CLDN18: variants seen among roughly 807,000 people sequenced by gnomAD.
The protein encoded by CLDN18 is claudin 18, also known as claudin-18.
A neutral mutation model predicts 25.0 loss-of-function variants in CLDN18; 20 were observed. The ratio of observed to expected loss-of-function variants is 0.80; its 90% CI spans 0.56 to 1.16. CLDN18 has a LOEUF of 1.16. CLDN18 is among the 50% of genes most tolerant of loss of function. The pLI, the probability that CLDN18 is intolerant of heterozygous loss-of-function variation, is 0.00. For synonymous variants in CLDN18, 125 were observed against 135.6 expected, an observed-to-expected ratio of 0.92 and a Z score of 0.54; for missense variants, 297 against 345.4, an observed-to-expected ratio of 0.86 and a Z score of 1.11.
chr3:138,016,329 G>T (rs551933111), intron 1 of CLDN18, among the ~76,000 whole-genome samples: 2 of 152,266 alleles, frequency 1.3e-5, no homozygotes, highest in South Asian at 4.2e-4. Context: ...TAGAATTGAA[G>T]AGCTTGGTCT....
Position 138,024,626 on chromosome 3 carries a change from A to C in CLDN18, c.405A>C (p.Gly135=), listed in dbSNP as rs1306134425. 6.2e-7 allele frequency: 1 copy of C among 1,611,592 alleles called. No individual in the cohort carries two copies. The highest frequency in any genetic ancestry group is 2.2e-5 in the East Asian group (1 of 44,872). The stretch of plus-strand genomic sequence containing the variant: ...CCACAGGTCTTTGTGCAATTGCTGG[A>C]GTGTCTGTGTTTGCCAACATGCTGG... ...FIVSGLCAIA[G]VSVFANMLVT... The change falls in exon 3 of 5, where the codon GGA becomes GGC. Residue 135 remains glycine, a synonymous_variant. Coordinates refer to ENST00000183605, the MANE Select transcript of CLDN18 (RefSeq NM_016369.4).
chr3:138,009,872 T>C (rs1179974087), upstream of CLDN18: 1 of 281,196 alleles, frequency 3.6e-6, no homozygotes, highest in African/African-American at 2.1e-5. Context: ...TGGGGACACG[T>C]CAGCCTTTTC....
chr3:138,015,133 C>T, intron 1 of CLDN18, among the ~76,000 whole-genome samples: 1 of 151,624 alleles, frequency 6.6e-6, no homozygotes, highest in Non-Finnish European at 1.5e-5. Flanking sequence ...CTCCATCCAT[C>T]TCTAAAAATA....
At chr3:138,008,724 G>A (rs560530608), upstream of CLDN18, among the ~76,000 whole-genome samples, 3 of 152,142 alleles carry the variant, frequency 2.0e-5, no homozygotes, top group Admixed American at 6.5e-5. Flanking sequence ...TCAGGAATTC[G>A]AGCCCAGCGT....
chr3:138,029,247 G>A (rs1559808605), intron 3 of CLDN18, among the ~76,000 whole-genome samples: 2 of 152,096 alleles, frequency 1.3e-5, no homozygotes. Context: ...TCAGGTTCAA[G>A]GAATTCTCGT....
intron 3 of CLDN18, among the ~76,000 whole-genome samples, chr3:138,027,035 C>A (rs1469509463): frequency 1.3e-5 from 2 of 152,192 alleles, no homozygotes; most frequent in Non-Finnish European, 2.9e-5. Context: ...GGAGAAGAGA[C>A]CCACAGAAAC....
At chr3:138,016,045 G>C (rs1270451903) in intron 1 of CLDN18, among the ~76,000 whole-genome samples, 1 of 152,216 alleles carries the variant, frequency 6.6e-6, no homozygotes, top group East Asian at 1.9e-4. Context: ...ACAGCATGCA[G>C]TACTCTGAGG....
intron 1 of CLDN18, among the ~76,000 whole-genome samples, chr3:138,017,077 A>C (rs1942215379): frequency 6.6e-6 from 1 of 151,624 alleles, no homozygotes; most frequent in Non-Finnish European, 1.5e-5. Flanking sequence ...ACAAAGAAAG[A>C]AAGTGCCCTG....
upstream of CLDN18, among the ~76,000 whole-genome samples, chr3:138,008,720 A>G (rs1273696944): frequency 6.6e-6 from 1 of 152,062 alleles, no homozygotes; most frequent in Non-Finnish European, 1.5e-5. Context: ...GAGCTCAGGA[A>G]TTCGAGCCCA....
chr3:138,018,480 GCGCCCGCCACTA>G (rs1480997940), intron 1 of CLDN18, among the ~76,000 whole-genome samples: 1 of 151,100 alleles, frequency 6.6e-6, no homozygotes, highest in Non-Finnish European at 1.5e-5. Context: ...GGGACTACAG[GCGCCCGCCACTA>G]CGCCCGGCTA....
upstream of CLDN18, among the ~76,000 whole-genome samples, chr3:138,007,595 C>G (rs1453743915): frequency 1.3e-5 from 2 of 152,134 alleles, no homozygotes; most frequent in Non-Finnish European, 2.9e-5. Context: ...ATAGGTGCAG[C>G]AAACCACCAT....
At chr3:138,014,335 G>A (rs1263915510) in intron 1 of CLDN18, among the ~76,000 whole-genome samples, 1 of 152,138 alleles carries the variant, frequency 6.6e-6, no homozygotes, top group Non-Finnish European at 1.5e-5. Context: ...AGGGCCAGTA[G>A]CCATGCACTG....
At chr3:138,014,146 T>A (rs1322847397) in intron 1 of CLDN18, among the ~76,000 whole-genome samples, 1 of 152,030 alleles carries the variant, frequency 6.6e-6, no homozygotes, top group Non-Finnish European at 1.5e-5. Context: ...GGTACTTTTA[T>A]TCCGTGTCAG....
At chr3:138,004,582 T>TA (rs1942049058) in intron 1 of CLDN18, 1 of 151,956 alleles carries the variant, frequency 6.6e-6, no homozygotes, top group South Asian at 2.1e-4. Flanking sequence ...ATTAATGGAA[T>TA]AAAATCTAAA....
intron 1 of CLDN18, chr3:138,004,607 T>C (rs927913976): frequency 3.3e-5 from 5 of 152,016 alleles, no homozygotes; most frequent in South Asian, 2.1e-4. Context: ...GAAAGACATA[T>C]ATGTGAGTTG....
At chr3:138,016,421 T>C (rs565841556) in intron 1 of CLDN18, among the ~76,000 whole-genome samples, 1 of 151,830 alleles carries the variant, frequency 6.6e-6, no homozygotes, top group African/African-American at 2.4e-5. Flanking sequence ...AAATTAGGAG[T>C]ATGAATTAAG....
chr3:138,009,016 A>G (rs767211600), upstream of CLDN18, among the ~76,000 whole-genome samples: 4 of 152,252 alleles, frequency 2.6e-5, no homozygotes, highest in Admixed American at 2.6e-4. Flanking sequence ...TTAGTTGTAT[A>G]GACAAAACAT....
At chr3:138,013,901 G>A (rs1343434678) in intron 1 of CLDN18, among the ~76,000 whole-genome samples, 2 of 151,660 alleles carry the variant, frequency 1.3e-5, no homozygotes, top group Non-Finnish European at 2.9e-5. Flanking sequence ...GGATGGCCTG[G>A]AATCAGGAAA....
At chr3:138,002,476 T>C (rs1288917653) in intron 1 of CLDN18, among the ~76,000 whole-genome samples, 1 of 152,196 alleles carries the variant, frequency 6.6e-6, no homozygotes, top group African/African-American at 2.4e-5. Context: ...TACATGACTC[T>C]GTTCATTAGC....
Sources: gnomAD v4.1 joint callset for allele counts (sites outside exome capture counted in the v4.1 genomes callset) on GRCh38, gnomAD v4.1.1 for gene constraint, MANE v1.5 for transcripts, NCBI Gene and HGNC (gene_info 2026-07-23, HGNC 2026-07-21) for gene names.